NTSR2: variants seen among roughly 807,000 people sequenced by gnomAD.
NTSR2 encodes the protein neurotensin receptor type 2.
A neutral mutation model predicts 24.1 loss-of-function variants in NTSR2; 22 were observed. The observed-to-expected ratio is 0.91, with a 90% CI of 0.65 to 1.30. The LOEUF (loss-of-function observed/expected upper bound fraction) is 1.30, where lower values mean the gene tolerates loss of function less well. Among genes scored for constraint, NTSR2 ranks in the 50% most tolerant of loss-of-function variants. The probability of loss-of-function intolerance (pLI) is 0.00; values close to 1 mark genes in which losing one functional copy is unlikely to be tolerated. For missense variants in NTSR2, 570 were observed against 570.4 expected, an observed-to-expected ratio of 1.00 and a Z score of 0.01; for synonymous variants, 291 against 267.0, an observed-to-expected ratio of 1.09 and a Z score of -0.88.
chr2:11,659,985 C>T, intron 3 of NTSR2, 58 bp downstream of exon 3: 1 of 1,454,272 alleles, frequency 6.9e-7, no homozygotes. Context: ...ATGGAGACCC[C>T]AGGCCTAGCC....
intron 1 of NTSR2, chr2:11,665,683 A>G (rs1296028515): frequency 1.3e-5 from 2 of 152,264 alleles, no homozygotes; most frequent in South Asian, 2.1e-4. Context: ...TGACCTCACT[A>G]TCCCCCAAGG....
chr2:11,664,298 G>T (rs1416867008), intron 1 of NTSR2, among the ~76,000 whole-genome samples: 1 of 152,072 alleles, frequency 6.6e-6, no homozygotes, highest in Non-Finnish European at 1.5e-5. Flanking sequence ...TGTATTTTGT[G>T]TAGAGATGGG....
Position 11,661,968 on chromosome 2 carries a change from G to T in NTSR2, c.897C>A (p.Leu299=). 1 of 1,578,516 alleles carries T rather than the reference G, an allele frequency of 6.3e-7. No individual in the cohort carries two copies. The highest frequency in any genetic ancestry group is 1.2e-5 in the South Asian group (1 of 85,916). ...GGGTGATGTTACAGAGGACTTAACT[G>T]AGAACCTGGACGCTGCGCTGGAGGC... ...IRSLQRSVQV[L]RAIVVMYVIC... is the part of the protein sequence containing the mutation. Residue 299 remains leucine (L), a splice_region_variant and synonymous_variant, in exon 2 of 4, where the codon CTC becomes CTA. Transcript: ENST00000306928.
In NTSR2 at chr2:11,669,587, C is replaced by T; in HGVS notation, c.543G>A (p.Glu181=). 6.3e-7 allele frequency: 1 copy of T among 1,582,738 alleles called. No individual in the cohort carries two copies. Among genetic ancestry groups the T allele is most frequent in the Non-Finnish European group, 8.5e-7 (1 of 1,171,752 alleles). Residue 181 remains glutamate (E), a synonymous_variant, in exon 1 of 4, where the codon GAG becomes GAA. Transcript: ENST00000306928. The part of the protein sequence containing the change: ...AVIMGQKHEL[E]TADGEPEPAS... ...CGGGCTCCGGCTCCCCGTCCGCCGT[C>T]TCGAGTTCGTGCTTCTGCCCCATGA...
At chr2:11,666,838 A>G (rs1053075379) in intron 1 of NTSR2, among the ~76,000 whole-genome samples, 8 of 152,116 alleles carry the variant, frequency 5.3e-5, no homozygotes, top group African/African-American at 1.9e-4. Context: ...AGGCAGGGAG[A>G]GAGAGAAGAC....
intron 1 of NTSR2, 46 bp downstream of exon 1, chr2:11,669,460 G>GGGGGGGGGGGGGCCCCCCCCCCCCCCCCC: frequency 9.8e-5 from 25 of 254,718 alleles, no homozygotes; most frequent in Admixed American, 2.0e-4. Context: ...TCCCAGCACC[G>GGGGGGGGGGGGGCCCCCCCCCCCCCCCCC]CCCCCCCACC....
At chr2:11,663,314 C>T (rs1376276787) in intron 1 of NTSR2, among the ~76,000 whole-genome samples, 2 of 151,994 alleles carry the variant, frequency 1.3e-5, no homozygotes, top group Non-Finnish European at 2.9e-5. Context: ...CCCAGGGGGC[C>T]CCCGTGCAGA....
At chr2:11,669,461 C>CGGGGGGGGG in intron 1 of NTSR2, 45 bp downstream of exon 1, 2 of 137,946 alleles carry the variant, frequency 1.4e-5, no homozygotes, top group Non-Finnish European at 1.5e-5. Flanking sequence ...CCCAGCACCG[C>CGGGGGGGGG]CCCCCCACCC....
chr2:11,667,296 C>T (rs1460578002), intron 1 of NTSR2, among the ~76,000 whole-genome samples: 1 of 152,252 alleles, frequency 6.6e-6, no homozygotes, highest in Non-Finnish European at 1.5e-5. Flanking sequence ...CCTCTTTCCC[C>T]TTCCACAATG....
chr2:11,667,433 A>G (rs1661229171), intron 1 of NTSR2, among the ~76,000 whole-genome samples: 3 of 152,040 alleles, frequency 2.0e-5, no homozygotes, highest in Admixed American at 6.5e-5. Context: ...TGTAACCTCA[A>G]ACTCCTCGGT....
chr2:11,669,910 T>A lies in NTSR2; in HGVS notation c.220A>T (p.Ser74Cys). 6.4e-7 allele frequency: 1 copy of A among 1,560,694 alleles called. No individual in the cohort carries two copies. The highest frequency in any genetic ancestry group is 8.6e-7 in the Non-Finnish European group (1 of 1,159,578). Residue 74 changes from serine (S) to cysteine (C), a missense_variant, in exon 1 of 4, where the codon AGC becomes TGC. Coordinates refer to ENST00000306928, the MANE Select transcript of NTSR2 (RefSeq NM_012344.4). ...AGCAGCAGGCCCGCGAGCGCCAGGC[T>A]GAGCACGTGGTGGCGCAGGCGCCCC... ...RAGRLRHHVL[S>C]LALAGLLLLL...
At chr2:11,665,125 G>A (rs1318435017) in intron 1 of NTSR2, among the ~76,000 whole-genome samples, 1 of 134,644 alleles carries the variant, frequency 7.4e-6, no homozygotes, top group African/African-American at 2.9e-5. Flanking sequence ...GAAGTCACTA[G>A]TCCAGACTGT....
rs767122568 is a variant in NTSR2, at chr2:11,661,947, G to T, written c.898+20C>A. The T allele has an allele frequency of 6.5e-7, 1 of 1,532,878 alleles. No homozygotes were observed. Among genetic ancestry groups the T allele is most frequent in the Non-Finnish European group, 8.8e-7 (1 of 1,138,292 alleles). The allele number at this position is 1,532,878 out of a possible 1,614,324, so 95.0% of individuals were successfully genotyped here. A position where few individuals can be genotyped will look rare whatever the true frequency, so the allele number is the denominator to read the frequency against. ...AACTTAGGCCCCTTTCTTCTGGGGT[G>T]ATGTTACAGAGGACTTAACTGAGAA... On this transcript the variant is annotated intron_variant, in intron 2 of 3. Transcript: ENST00000306928.
intron 1 of NTSR2, among the ~76,000 whole-genome samples, chr2:11,664,082 A>AAGGCT (rs1661140010): frequency 6.6e-6 from 1 of 151,774 alleles, no homozygotes; most frequent in African/African-American, 2.4e-5. Flanking sequence ...CATCAGTTCT[A>AAGGCT]AGGCTCTCTT....
Position 11,665,853 on chromosome 2 carries a change from C to T in NTSR2, c.625-3613G>A, listed in dbSNP as rs147347119. 2.9e-3 allele frequency: 449 copies of T among 155,214 alleles called. 3 individuals carry two copies. The highest frequency in any genetic ancestry group is 0.01 in the African/African-American group (425 of 41,832). 9.6% of individuals were successfully genotyped at this position (155,214 alleles called of 1,614,324 possible). On this transcript the variant is annotated intron_variant, in intron 1 of 3. Coordinates refer to ENST00000306928, the MANE Select transcript of NTSR2 (RefSeq NM_012344.4). ...AGCTTGTGAAGGAACCACCTTTCCT[C>T]TTGGCTTTGTAGACACGACCCCAAG...
In NTSR2 at chr2:11,669,263, G is replaced by A. The variant is rs181494071; in HGVS notation, c.624+243C>T. On this transcript the variant is annotated intron_variant, in intron 1 of 3. Coordinates refer to ENST00000306928, the MANE Select transcript of NTSR2 (RefSeq NM_012344.4). ...GCCCAAATGTCTGAGCACCACTCTC[G>A]CAAGAGTGGGAACACTGACTTTGGA... Among the ~76,000 whole-genome samples the A allele has an allele frequency of 3.5e-3, 540 of 152,320 alleles. 3 individuals are homozygous for A. The highest frequency in any genetic ancestry group is 0.012 in the African/African-American group (517 of 41,580).
intron 1 of NTSR2, chr2:11,665,375 G>C (rs939523589): frequency 6.6e-6 from 1 of 152,130 alleles, no homozygotes; most frequent in Non-Finnish European, 1.5e-5. Flanking sequence ...AAAAATATTC[G>C]TTCTGACATT....
intron 1 of NTSR2, among the ~76,000 whole-genome samples, chr2:11,662,626 A>C (rs1661102478): frequency 6.6e-6 from 1 of 152,130 alleles, no homozygotes; most frequent in African/African-American, 2.4e-5. Context: ...CTAAAAATAC[A>C]AAAAATTAGC....
In NTSR2 at chr2:11,658,506, A is replaced by G; in HGVS notation, c.1206T>C (p.Phe402=). 1 of 1,607,764 alleles carries G rather than the reference A, an allele frequency of 6.2e-7. No individual in the cohort carries two copies. Among genetic ancestry groups the G allele is most frequent in the Non-Finnish European group, 8.5e-7 (1 of 1,176,320 alleles). ...AGGTCCGGGTTTCTGGGGGATCCCCAAAGCCTGAAGCTGTATCCATTAGGG... is the reference window on the plus strand; with the variant it reads ...AGGTCCGGGTTTCTGGGGGATCCCCGAAGCCTGAAGCTGTATCCATTAGGG... The part of the protein sequence containing the change: ...SPTLMDTASG[F]GDPPETRT The change falls in exon 4 of 4, where the codon TTT becomes TTC. Residue 402 remains phenylalanine (F), a synonymous_variant. Transcript: ENST00000306928.
Sources: gnomAD v4.1 joint callset for allele counts (sites outside exome capture counted in the v4.1 genomes callset) on GRCh38, gnomAD v4.1.1 for gene constraint, MANE v1.5 for transcripts, NCBI Gene and HGNC (gene_info 2026-07-23, HGNC 2026-07-21) for gene names.